Variants in DCC observed in about 807,000 individuals in gnomAD.
DCC encodes DCC netrin 1 receptor.
DCC carries 58 observed loss-of-function variants against 172.5 expected under a neutral mutation model. The ratio of observed to expected loss-of-function variants is 0.34; its 90% CI spans 0.27 to 0.42. The LOEUF (loss-of-function observed/expected upper bound fraction) is 0.42, where lower values mean the gene tolerates loss of function less well. Among genes scored for constraint, DCC ranks in the 10% least tolerant of loss-of-function variants. The pLI, the probability that DCC is intolerant of heterozygous loss-of-function variation, is 1.00. For synonymous variants in DCC, 709 were observed against 644.5 expected (o/e 1.10, Z -1.52); for missense variants, 1,740 against 1,791.0 (o/e 0.97, Z 0.51).
intron 15 of DCC, among the ~76,000 whole-genome samples, chr18:53,344,103 C>T (rs1057347586): frequency 6.6e-6 from 1 of 151,876 alleles, no homozygotes; most frequent in Non-Finnish European, 1.5e-5. Context: ...TTTCTATTAT[C>T]TATCTATTTT....
chr18:53,495,897 G>T (rs894640101), intron 26 of DCC, among the ~76,000 whole-genome samples: 1 of 151,936 alleles, frequency 6.6e-6, no homozygotes, highest in Non-Finnish European at 1.5e-5. Context: ...TCCCAAGCTG[G>T]CTCTCTAGAT....
intron 7 of DCC, among the ~76,000 whole-genome samples, chr18:53,143,111 G>A (rs1292120125): frequency 6.6e-6 from 1 of 152,126 alleles, no homozygotes; most frequent in Non-Finnish European, 1.5e-5. Flanking sequence ...CTAAGTGGTG[G>A]CTGAGTTGGC....
At chr18:52,545,393 G>T (rs570820630) in intron 1 of DCC, among the ~76,000 whole-genome samples, 1 of 152,272 alleles carries the variant, frequency 6.6e-6, no homozygotes, top group South Asian at 2.1e-4. Flanking sequence ...AGGTTCTCTT[G>T]GTTGGTCACT....
At chr18:52,948,935 C>A (rs1250994182) in intron 5 of DCC, among the ~76,000 whole-genome samples, 1 of 152,186 alleles carries the variant, frequency 6.6e-6, no homozygotes. Flanking sequence ...AAACCCAGAT[C>A]AGTGCAACTC....
chr18:52,429,188 T>C (rs943524503), intron 1 of DCC, among the ~76,000 whole-genome samples: 7 of 152,130 alleles, frequency 4.6e-5, no homozygotes, highest in Non-Finnish European at 1.0e-4. Context: ...CTAAGCATTT[T>C]AAGCACAGTA....
At chr18:53,408,831 C>T (rs1362841958) in intron 19 of DCC, among the ~76,000 whole-genome samples, 3 of 152,140 alleles carry the variant, frequency 2.0e-5, no homozygotes, top group Non-Finnish European at 1.5e-5. Flanking sequence ...TGTAAGTTTT[C>T]AGCATTGTTC....
intron 5 of DCC, among the ~76,000 whole-genome samples, chr18:52,945,180 G>C (rs1409874990): frequency 6.6e-6 from 1 of 152,110 alleles, no homozygotes; most frequent in Non-Finnish European, 1.5e-5. Flanking sequence ...CCCAACCTCT[G>C]TTGCTGGTGC....
chr18:52,801,639 T>A (rs976390185), intron 2 of DCC, among the ~76,000 whole-genome samples: 1 of 152,210 alleles, frequency 6.6e-6, no homozygotes, highest in Non-Finnish European at 1.5e-5. Flanking sequence ...GTAAAGTATA[T>A]TTTGAATCTT....
Position 52,902,473 on chromosome 18 carries a change from AT to A in DCC, c.413-3566del, listed in dbSNP as rs1272849654. 2.0e-5 allele frequency among the ~76,000 whole-genome samples: 3 copies of A among 152,090 alleles called. No homozygotes were observed. The East Asian group carries it at 5.8e-4, about 29-fold the overall frequency. ...ATGGGCTGTGGTTGAGCAGGTAACTATTTTTCACAAGGATCTAGTGAAAATT... is the reference window on the plus strand; with the variant it reads ...ATGGGCTGTGGTTGAGCAGGTAACTATTTTCACAAGGATCTAGTGAAAATT... On this transcript the variant is annotated intron_variant, in intron 2 of 28. Coordinates refer to ENST00000442544, the MANE Select transcript of DCC (RefSeq NM_005215.4).
At chr18:53,519,036 G>T (rs1277074947) in intron 27 of DCC, among the ~76,000 whole-genome samples, 3 of 152,092 alleles carry the variant, frequency 2.0e-5, no homozygotes, top group Non-Finnish European at 2.9e-5. Context: ...AGCTTTAACT[G>T]GCTGGAGATT....
intron 2 of DCC, among the ~76,000 whole-genome samples, chr18:52,819,568 C>T (rs1195250325): frequency 6.6e-6 from 1 of 152,002 alleles, no homozygotes; most frequent in Non-Finnish European, 1.5e-5. Context: ...TTTAAGAGAC[C>T]ATGTGTTTTT....
intron 12 of DCC, among the ~76,000 whole-genome samples, chr18:53,219,100 T>G (rs2055894509): frequency 6.6e-6 from 1 of 152,146 alleles, no homozygotes; most frequent in South Asian, 2.1e-4. Flanking sequence ...TGTTTTAATG[T>G]CATACATAAT....
At chr18:53,387,903 C>T (rs185806981) in intron 16 of DCC, among the ~76,000 whole-genome samples, 34 of 152,252 alleles carry the variant, frequency 2.2e-4, no homozygotes, top group African/African-American at 4.6e-4. Flanking sequence ...AAATAAAAAT[C>T]GCTTTTCAAT....
At chr18:53,094,150 A>G (rs1189547866) in intron 7 of DCC, among the ~76,000 whole-genome samples, 1 of 152,210 alleles carries the variant, frequency 6.6e-6, no homozygotes, top group Non-Finnish European at 1.5e-5. Context: ...AAGGTATTTT[A>G]GGCCGGGACC....
chr18:53,060,791 A>G (rs1216792965), intron 5 of DCC, among the ~76,000 whole-genome samples: 1 of 152,160 alleles, frequency 6.6e-6, no homozygotes, highest in Non-Finnish European at 1.5e-5. Context: ...AGTTGGAAAA[A>G]CAGTGAATCT....
intron 5 of DCC, among the ~76,000 whole-genome samples, chr18:53,006,242 T>C (rs2041643558): frequency 6.6e-6 from 1 of 152,206 alleles, no homozygotes; most frequent in Non-Finnish European, 1.5e-5. Context: ...CTGAACCTGC[T>C]AAAGTGAGAT....
At chr18:53,262,701 T>G (rs189215422) in intron 12 of DCC, among the ~76,000 whole-genome samples, 2 of 152,344 alleles carry the variant, frequency 1.3e-5, no homozygotes, top group East Asian at 3.9e-4. Flanking sequence ...TCCCTTAGTC[T>G]TTCATCAGAG....
intron 1 of DCC, among the ~76,000 whole-genome samples, chr18:52,395,356 G>A (rs901475778): frequency 6.6e-6 from 1 of 152,008 alleles, no homozygotes; most frequent in Non-Finnish European, 1.5e-5. Context: ...TTTGGTTGGA[G>A]AGAAAAAACC....
At chr18:52,594,473 G>A (rs1020861258) in intron 1 of DCC, among the ~76,000 whole-genome samples, 1 of 152,158 alleles carries the variant, frequency 6.6e-6, no homozygotes, top group South Asian at 2.1e-4. Flanking sequence ...TTGGAGAGGA[G>A]ACAGGAACTG....
Sources: gnomAD v4.1 joint callset for allele counts (sites outside exome capture counted in the v4.1 genomes callset) on GRCh38, gnomAD v4.1.1 for gene constraint, MANE v1.5 for transcripts, NCBI Gene and HGNC (gene_info 2026-07-23, HGNC 2026-07-21) for gene names.